TOX4: variants seen among roughly 807,000 people sequenced by gnomAD.
TOX4 encodes the protein epidermal Langerhans cell protein LCP1.
Under a neutral mutation model 61.0 loss-of-function variants are expected in TOX4, and 12 were observed. The observed-to-expected ratio is 0.20, with a 90% CI of 0.13 to 0.32. TOX4 has a LOEUF of 0.32. Among genes scored for constraint, TOX4 ranks in the 10% least tolerant of loss-of-function variants. TOX4 has a pLI of 1.00. For synonymous variants in TOX4, 268 were observed against 274.8 expected, an observed-to-expected ratio of 0.98 and a Z score of 0.24; for missense variants, 499 against 753.3, an observed-to-expected ratio of 0.66 and a Z score of 3.95.
chr14:21,496,446 G>A (rs959180382), intron 8 of TOX4, 100 bp from the exon 9 acceptor site: 17 of 1,051,550 alleles, frequency 1.6e-5, no homozygotes, highest in Middle Eastern at 4.3e-4. Flanking sequence ...AGAATGGCGT[G>A]AACCCATGAG....
At chr14:21,478,376 A>G (rs12435421) in intron 2 of TOX4, among the ~76,000 whole-genome samples, 76,474 of 152,138 alleles carry the variant, frequency 0.5, 19,405 homozygotes, top group East Asian at 0.63. Context: ...TCAATTTGCC[A>G]GTGACTCAGA....
intron 2 of TOX4, among the ~76,000 whole-genome samples, chr14:21,478,496 AC>A (rs1267748904): frequency 2.9e-5 from 4 of 135,898 alleles, no homozygotes; most frequent in Admixed American, 2.2e-4. Flanking sequence ...TTATGATGAA[AC>A]CCTGAAGTGT....
At chr14:21,487,823 A>G in intron 3 of TOX4, 130 bp downstream of exon 3, 1 of 1,088,480 alleles carries the variant, frequency 9.2e-7, no homozygotes, top group Middle Eastern at 3.2e-4. Flanking sequence ...GCTCACCAAC[A>G]AAGACTTAAT....
intron 7 of TOX4, 88 bp downstream of exon 7, chr14:21,493,345 CATTT>C: frequency 7.0e-7 from 1 of 1,432,504 alleles, no homozygotes; most frequent in Admixed American, 2.5e-5. Context: ...TTGCTACTAG[CATTT>C]AATGCCCAGC....
intron 2 of TOX4, among the ~76,000 whole-genome samples, chr14:21,478,603 CTG>C (rs1289897952): frequency 6.6e-6 from 1 of 152,162 alleles, no homozygotes; most frequent in African/African-American, 2.4e-5. Flanking sequence ...ACAAAAATTT[CTG>C]TCTTTGAGAA....
At position 21,496,757 on chromosome 14, in the gene TOX4, C is replaced by G; in HGVS notation, c.*151C>G. ...ACCCCTTTTCTTCCTTCAGCAGAGGCCAGGCTATGGAGCAGGGCCACTGAA... is the reference window on the plus strand; with the variant it reads ...ACCCCTTTTCTTCCTTCAGCAGAGGGCAGGCTATGGAGCAGGGCCACTGAA... On this transcript the variant is annotated 3_prime_UTR_variant, in exon 9 of 9. Coordinates refer to ENST00000448790, the MANE Select transcript of TOX4 (RefSeq NM_014828.4). 1 of 656,688 alleles carries G rather than the reference C, an allele frequency of 1.5e-6. No individual in the cohort carries two copies. The highest frequency in any genetic ancestry group is 2.8e-5 in the Admixed American group (1 of 36,280). The allele number at this position is 656,688 out of a possible 1,614,324, so 40.7% of individuals were successfully genotyped here.
In TOX4 at chr14:21,488,580, C is replaced by T. The variant is rs1891229993; in HGVS notation, c.319-10C>T. The T allele has an allele frequency of 2.5e-6, 4 of 1,608,030 alleles. No homozygotes were observed. The highest frequency in any genetic ancestry group is 3.4e-6 in the Non-Finnish European group (4 of 1,174,906). On this transcript the variant is annotated splice_polypyrimidine_tract_variant and intron_variant, in intron 3 of 8. Coordinates refer to ENST00000448790, the MANE Select transcript of TOX4 (RefSeq NM_014828.4). ...ATTTAGTGTTTAATTAGTCCTTCTG[C>T]TTCTCTCAGGACTTGGACCACTCTA...
chr14:21,478,233 C>T (rs1358013271), intron 2 of TOX4, among the ~76,000 whole-genome samples: 10 of 152,236 alleles, frequency 6.6e-5, no homozygotes, highest in African/African-American at 2.2e-4. Flanking sequence ...CCATTGCGCC[C>T]GGCCTAAATT....
At chr14:21,488,533 G>A in intron 3 of TOX4, 57 bp from the exon 4 acceptor site, 2 of 1,548,774 alleles carry the variant, frequency 1.3e-6, no homozygotes, top group Non-Finnish European at 1.8e-6. Context: ...TAAATTTAGG[G>A]GGGAAAAGTG....
chr14:21,486,838 GT>G (rs1891198175), intron 2 of TOX4, among the ~76,000 whole-genome samples: 1 of 152,152 alleles, frequency 6.6e-6, no homozygotes, highest in Non-Finnish European at 1.5e-5. Context: ...CATTGTTGAG[GT>G]TTTCTGAAAA....
intron 7 of TOX4, among the ~76,000 whole-genome samples, chr14:21,494,625 C>A (rs1421053724): frequency 6.6e-6 from 1 of 152,152 alleles, no homozygotes; most frequent in African/African-American, 2.4e-5. Flanking sequence ...TGGCAGGCGC[C>A]TGTAGTCCCA....
intron 2 of TOX4, chr14:21,482,598 AG>A (rs1256383604): frequency 2.1e-6 from 1 of 469,950 alleles, no homozygotes; most frequent in Non-Finnish European, 4.4e-6. Context: ...AGGAAAGGAA[AG>A]CTAAGTTAGA....
At position 21,488,862 on chromosome 14, in the gene TOX4, C is replaced by G. The variant is rs777831594; in HGVS notation, c.579+12C>G. On this transcript the variant is annotated intron_variant, in intron 4 of 8. Transcript: ENST00000448790. ...AGGATTTCCGGAGGGTGAGGCATTC[C>G]CTGTCAAAATCAATTCTGCTGTGAT... The G allele has an allele frequency of 1.2e-6, 2 of 1,612,164 alleles. No homozygotes were observed. The highest frequency in any genetic ancestry group is 1.7e-6 in the Non-Finnish European group (2 of 1,178,400).
In TOX4 at chr14:21,493,020, A is replaced by G. The variant is rs1429365519; in HGVS notation, c.1404A>G (p.Pro468=). 1.3e-5 allele frequency: 21 copies of G among 1,612,390 alleles called. No homozygotes were observed. Among genetic ancestry groups the G allele is most frequent in the Non-Finnish European group, 1.5e-5 (18 of 1,179,450 alleles). Residue 468 remains proline (P), a synonymous_variant, in exon 7 of 9, where the codon CCA becomes CCG. Coordinates refer to ENST00000448790, the MANE Select transcript of TOX4 (RefSeq NM_014828.4). Reference sequence around the variant, plus strand: ...TTACCATTCTGCAGCAGCCTCCTCCACTCCAGGCCATGCAACAGCCTCCAC... The same window carrying G: ...TTACCATTCTGCAGCAGCCTCCTCCGCTCCAGGCCATGCAACAGCCTCCAC... ...QQVTILQQPP[P]LQAMQQPPPQ... is the part of the protein sequence containing the mutation.
In TOX4 at chr14:21,496,714, G is replaced by A; in HGVS notation, c.*108G>A. ...CTGGTAGTGCCTCATCACAACCCAT[G>A]ATGGCTGTTCATGTTTCACCCCTTT... is the stretch of plus-strand genomic sequence containing the variant. On this transcript the variant is annotated 3_prime_UTR_variant, in exon 9 of 9. Coordinates refer to ENST00000448790, the MANE Select transcript of TOX4 (RefSeq NM_014828.4). 1 of 933,766 alleles carries A rather than the reference G, an allele frequency of 1.1e-6. No homozygotes were observed. The highest frequency in any genetic ancestry group is 1.7e-6 in the Non-Finnish European group (1 of 590,764). 57.8% of individuals were successfully genotyped at this position (933,766 alleles called of 1,614,324 possible).
At chr14:21,481,787 A>G (rs1454944394) in intron 2 of TOX4, among the ~76,000 whole-genome samples, 1 of 152,248 alleles carries the variant, frequency 6.6e-6, no homozygotes, top group African/African-American at 2.4e-5. Flanking sequence ...AATCTAAACA[A>G]TATTTTGTTG....
chr14:21,487,234 G>T (rs56074436), intron 2 of TOX4, among the ~76,000 whole-genome samples: 1 of 152,202 alleles, frequency 6.6e-6, no homozygotes, highest in African/African-American at 2.4e-5. Flanking sequence ...ATTGAAAATT[G>T]TGACTGATGT....
chr14:21,491,375 T>C (rs1253984208), intron 5 of TOX4, among the ~76,000 whole-genome samples: 2 of 152,030 alleles, frequency 1.3e-5, no homozygotes, highest in Non-Finnish European at 2.9e-5. Flanking sequence ...TATTTATTTT[T>C]TTGAGACAGA....
Position 21,489,803 on chromosome 14 carries a change from G to A in TOX4, c.810+400G>A, listed in dbSNP as rs372731981. ...TCACCATGTCAGCCAGGATGGTCTCGATCTCCTGACCTCGTGATCCACCCG... is the reference window on the plus strand; with the variant it reads ...TCACCATGTCAGCCAGGATGGTCTCAATCTCCTGACCTCGTGATCCACCCG... On this transcript the variant is annotated intron_variant, in intron 5 of 8. Transcript: ENST00000448790. Among the ~76,000 whole-genome samples, 47 of 151,992 alleles carry A rather than the reference G, an allele frequency of 3.1e-4. 1 individual carries two copies. The highest frequency in any genetic ancestry group is 3.4e-3 in the Middle Eastern group (1 of 294).
Sources: gnomAD v4.1 joint callset for allele counts (sites outside exome capture counted in the v4.1 genomes callset) on GRCh38, gnomAD v4.1.1 for gene constraint, MANE v1.5 for transcripts, NCBI Gene and HGNC (gene_info 2026-07-23, HGNC 2026-07-21) for gene names.